Variants in ARHGAP6 observed in about 807,000 individuals in gnomAD.
ARHGAP6 encodes the protein Rho GTPase activating protein 6.
ARHGAP6 carries 16 observed loss-of-function variants against 55.7 expected under a neutral mutation model. The observed-to-expected ratio is 0.29, with a 90% CI of 0.19 to 0.44. The LOEUF (loss-of-function observed/expected upper bound fraction) is 0.44. Among genes scored for constraint, ARHGAP6 ranks in the 20% least tolerant of loss-of-function variants. The pLI, the probability that ARHGAP6 is intolerant of heterozygous loss-of-function variation, is 1.00. For missense variants in ARHGAP6, 698 were observed against 808.9 expected, an observed-to-expected ratio of 0.86 and a Z score of 1.66; for synonymous variants, 382 against 360.9, an observed-to-expected ratio of 1.06 and a Z score of -0.66.
chrX:11,219,775 A>C (rs2046940539), intron 2 of ARHGAP6, among the ~76,000 whole-genome samples: 1 of 97,872 alleles, frequency 1.0e-5, no homozygotes, highest in Admixed American at 1.1e-4. Flanking sequence ...TTCATTGTAG[A>C]TTCCGGATAT....
At chrX:11,505,322 G>A (rs1430925898) in intron 1 of ARHGAP6, among the ~76,000 whole-genome samples, 2 of 111,279 alleles carry the variant, frequency 1.8e-5, no homozygotes, top group Non-Finnish European at 3.8e-5. Context: ...GATAAGTAGA[G>A]AAACGCAAAT....
At chrX:11,302,300 A>G (rs1392811173) in intron 1 of ARHGAP6, among the ~76,000 whole-genome samples, 1 of 111,890 alleles carries the variant, frequency 8.9e-6, no homozygotes, top group East Asian at 2.8e-4. Flanking sequence ...AAGTTGAAAA[A>G]TAATTCTTAT....
intron 8 of ARHGAP6, among the ~76,000 whole-genome samples, chrX:11,173,225 C>T (rs749314370): frequency 8.9e-6 from 1 of 112,056 alleles, no homozygotes; most frequent in African/African-American, 3.2e-5. Context: ...AACGGGAAAA[C>T]GAGCTTTAAA....
At chrX:11,498,165 AT>A (rs985345969) in intron 1 of ARHGAP6, among the ~76,000 whole-genome samples, 1 of 111,145 alleles carries the variant, frequency 9.0e-6, no homozygotes, top group African/African-American at 3.3e-5. Context: ...GTTCTTTCTG[AT>A]TTTTTCCCAT....
chrX:11,618,924 AT>A (rs56072806), intron 1 of ARHGAP6, among the ~76,000 whole-genome samples: 10,391 of 108,369 alleles, frequency 0.096, 490 homozygotes, highest in East Asian at 0.22. Flanking sequence ...GAAAGAAAGG[AT>A]TTTTTTTTTA....
At chrX:11,655,614 C>T (rs1197740196) in intron 1 of ARHGAP6, among the ~76,000 whole-genome samples, 2 of 112,253 alleles carry the variant, frequency 1.8e-5, no homozygotes, top group Non-Finnish European at 3.8e-5. Flanking sequence ...TTTTGATTCA[C>T]GTTTCCCTAA....
intron 1 of ARHGAP6, among the ~76,000 whole-genome samples, chrX:11,467,080 G>A (rs1210745119): frequency 1.8e-5 from 2 of 111,689 alleles, no homozygotes; most frequent in African/African-American, 3.3e-5. Context: ...ACAGGATTCA[G>A]TGGACAAAAT....
At chrX:11,622,025 TCTA>T (rs1162449853) in intron 1 of ARHGAP6, among the ~76,000 whole-genome samples, 1 of 111,680 alleles carries the variant, frequency 9.0e-6, no homozygotes, top group Non-Finnish European at 1.9e-5. Flanking sequence ...AATATAAAAT[TCTA>T]CTCCCAGAGA....
intron 1 of ARHGAP6, among the ~76,000 whole-genome samples, chrX:11,519,728 C>A (rs1215626874): frequency 9.2e-6 from 1 of 108,173 alleles, no homozygotes; most frequent in African/African-American, 3.4e-5. Flanking sequence ...GAAAAACAAG[C>A]AATGGGGAAA....
At chrX:11,307,182 G>A (rs1239750074) in intron 1 of ARHGAP6, among the ~76,000 whole-genome samples, 5 of 110,574 alleles carry the variant, frequency 4.5e-5, no homozygotes, top group Admixed American at 2.9e-4. Context: ...TTGGCCCTCC[G>A]CTATCTTCCT....
rs1056511904 is a variant in ARHGAP6 at position 11,166,630 on chromosome X, C to T, written c.1809+2875G>A. 4.5e-5 allele frequency among the ~76,000 whole-genome samples: 5 copies of T among 111,845 alleles called. No individual in the cohort carries two copies. The Admixed American group carries it at 4.8e-4, about 11-fold the overall frequency. On this transcript the variant is annotated intron_variant, in intron 9 of 12. Coordinates refer to ENST00000337414, the MANE Select transcript of ARHGAP6 (RefSeq NM_013427.3). ...GTATAGCCGACTAGTTTCTCAACTGCCAAATATGCCAAGATAATCTAAAAT... is the reference window on the plus strand; with the variant it reads ...GTATAGCCGACTAGTTTCTCAACTGTCAAATATGCCAAGATAATCTAAAAT...
intron 1 of ARHGAP6, among the ~76,000 whole-genome samples, chrX:11,472,235 C>T (rs2050354579): frequency 9.0e-6 from 1 of 111,499 alleles, no homozygotes; most frequent in Non-Finnish European, 1.9e-5. Context: ...ACCCTCCACC[C>T]CAGTTGTAAG....
intron 1 of ARHGAP6, among the ~76,000 whole-genome samples, chrX:11,642,254 C>A (rs1216181321): frequency 8.9e-6 from 1 of 111,740 alleles, no homozygotes; most frequent in Non-Finnish European, 1.9e-5. Flanking sequence ...ATCACTTAAA[C>A]GTATCTACAG....
At chrX:11,382,808 AAAC>A (rs1490673458) in intron 1 of ARHGAP6, among the ~76,000 whole-genome samples, 4 of 112,038 alleles carry the variant, frequency 3.6e-5, no homozygotes, top group Non-Finnish European at 7.5e-5. Flanking sequence ...GGAAACCAAA[AAAC>A]AACAACAAAA....
intron 1 of ARHGAP6, among the ~76,000 whole-genome samples, chrX:11,580,884 A>G (rs1204661085): frequency 8.9e-6 from 1 of 112,227 alleles, no homozygotes; most frequent in African/African-American, 3.2e-5. Context: ...GAAGCATTTT[A>G]AAAAGTGTCT....
chrX:11,145,455 G>A (rs893290097), intron 10 of ARHGAP6, among the ~76,000 whole-genome samples: 1 of 111,843 alleles, frequency 8.9e-6, no homozygotes, highest in Non-Finnish European at 1.9e-5. Flanking sequence ...CTTTTGCTGA[G>A]GACATTTCCT....
At chrX:11,288,736 C>T (rs749483887) in intron 1 of ARHGAP6, among the ~76,000 whole-genome samples, 1 of 111,967 alleles carries the variant, frequency 8.9e-6, no homozygotes, top group Non-Finnish European at 1.9e-5. Context: ...CTTGGCATTT[C>T]CTATACAGTC....
chrX:11,325,061 T>C (rs1265157641), intron 1 of ARHGAP6, among the ~76,000 whole-genome samples: 1 of 111,791 alleles, frequency 8.9e-6, no homozygotes, highest in Non-Finnish European at 1.9e-5. Context: ...GGTTTCACCT[T>C]GTTAGCCAGG....
At chrX:11,400,935 A>T (rs2147751931) in intron 1 of ARHGAP6, among the ~76,000 whole-genome samples, 1 of 112,589 alleles carries the variant, frequency 8.9e-6, no homozygotes, top group East Asian at 2.8e-4. Context: ...ATTAAATATT[A>T]GAGTTCAAGC....
Sources: gnomAD v4.1 joint callset for allele counts (sites outside exome capture counted in the v4.1 genomes callset) on GRCh38, gnomAD v4.1.1 for gene constraint, MANE v1.5 for transcripts, NCBI Gene and HGNC (gene_info 2026-07-23, HGNC 2026-07-21) for gene names.